The following CHD7 variants were observed in gnomAD, a reference collection of about 807,000 sequenced individuals.
CHD7 encodes the protein chromodomain helicase DNA binding protein 7.
Under a neutral mutation model 307.3 loss-of-function variants are expected in CHD7, and 24 were observed. The observed-to-expected ratio is 0.08, with a 90% confidence interval of 0.06 to 0.11. CHD7 has a LOEUF of 0.11. Ranked by LOEUF, CHD7 falls within the 10% of genes least tolerant of loss-of-function variation. The pLI, the probability that CHD7 is intolerant of heterozygous loss-of-function variation, is 1.00. For synonymous variants in CHD7, 1,363 were observed against 1,349.9 expected (o/e 1.01, Z -0.21); for missense variants, 3,106 against 3,727.1 (o/e 0.83, Z 4.34).
intron 4 of CHD7, among the ~76,000 whole-genome samples, chr8:60,796,617 G>GTTT (rs566003462): frequency 1.7e-5 from 1 of 57,414 alleles, no homozygotes; most frequent in African/African-American, 5.5e-5. Context: ...TAGCTTTAGG[G>GTTT]TTTTTTTTTT....
At chr8:60,800,363 C>A (rs984225834) in intron 4 of CHD7, 25 bp from the exon 5 acceptor site, 4 of 1,607,880 alleles carry the variant, frequency 2.5e-6, no homozygotes, top group Non-Finnish European at 3.4e-6. Flanking sequence ...AATTTCAAGG[C>A]CACTGTCTTG....
At chr8:60,768,430 A>G (rs1318640400) in intron 2 of CHD7, among the ~76,000 whole-genome samples, 1 of 152,232 alleles carries the variant, frequency 6.6e-6, no homozygotes. Context: ...ACTTCTCTAA[A>G]AGGAGCCACT....
Position 60,836,786 on chromosome 8 carries a change from A to G in CHD7, c.3990-31A>G, listed in dbSNP as rs776883819. The stretch of plus-strand genomic sequence containing the variant: ...AGCAAGTATGTTGTCGCTATGCGTC[A>G]GGCCTCCTTGTTCACACTGATGTTT... On this transcript the variant is annotated intron_variant, in intron 16 of 37. Coordinates refer to ENST00000423902, the MANE Select transcript of CHD7 (RefSeq NM_017780.4). 5.1e-6 allele frequency: 8 copies of G among 1,560,514 alleles called. No homozygotes were observed. In the East Asian group the frequency reaches 1.6e-4, roughly 31 times the overall value.
At chr8:60,721,644 T>C (rs1433097481) in intron 1 of CHD7, among the ~76,000 whole-genome samples, 2 of 152,194 alleles carry the variant, frequency 1.3e-5, no homozygotes, top group African/African-American at 2.4e-5. Flanking sequence ...AGATTTAGGA[T>C]TGACATGAGA....
At position 60,742,716 on chromosome 8, in the gene CHD7, A is replaced by C. The variant is rs749533346; in HGVS notation, c.1284A>C (p.Pro428=). 1.9e-6 allele frequency: 3 copies of C among 1,613,418 alleles called. No homozygotes were observed. The highest frequency in any genetic ancestry group is 2.5e-6 in the Non-Finnish European group (3 of 1,179,346). ...AGIPMEVGSY[P]NMPHPQPSHQ... ...TACCAATGGAAGTTGGCAGTTATCCAAATATGCCCCATCCTCAGCCATCTC... is the reference window on the plus strand; with the variant it reads ...TACCAATGGAAGTTGGCAGTTATCCCAATATGCCCCATCCTCAGCCATCTC... The change falls in exon 2 of 38, where the codon CCA becomes CCC. Residue 428 remains proline (P), a synonymous_variant. Coordinates refer to ENST00000423902, the MANE Select transcript of CHD7 (RefSeq NM_017780.4).
At chr8:60,730,582 C>T (rs1475297131) in intron 1 of CHD7, among the ~76,000 whole-genome samples, 3 of 152,124 alleles carry the variant, frequency 2.0e-5, no homozygotes, top group African/African-American at 4.8e-5. Flanking sequence ...AAATGGAGGC[C>T]GGGCGTGGTG....
At chr8:60,844,632 GGT>G (rs1805124087) in intron 21 of CHD7, among the ~76,000 whole-genome samples, 1 of 152,120 alleles carries the variant, frequency 6.6e-6, no homozygotes, top group Non-Finnish European at 1.5e-5. Context: ...TAGCTTTGTG[GGT>G]GTTATTCTTG....
At chr8:60,739,081 G>A (rs977847578) in intron 1 of CHD7, among the ~76,000 whole-genome samples, 2 of 152,136 alleles carry the variant, frequency 1.3e-5, no homozygotes, top group Non-Finnish European at 2.9e-5. Flanking sequence ...TGAGCTCAGT[G>A]GGCTTGCAAG....
chr8:60,737,918 C>T (rs1234436287), intron 1 of CHD7, among the ~76,000 whole-genome samples: 1 of 152,192 alleles, frequency 6.6e-6, no homozygotes, highest in Non-Finnish European at 1.5e-5. Context: ...TCACAGATCT[C>T]TCTCCAGCTC....
rs528722099 is a variant in CHD7 at position 60,856,752 on chromosome 8, G to A, written c.7472G>A (p.Arg2491His). 1.1e-5 allele frequency: 17 copies of A among 1,614,036 alleles called. No homozygotes were observed. The highest frequency in any genetic ancestry group is 8.9e-5 in the East Asian group (4 of 44,886). Reference sequence around the variant, plus strand: ...GAACTGCTCCAAGCAGGCCTTTCGCGCACACCCACAAGGCATCTCCTTAAT... The same window carrying A: ...GAACTGCTCCAAGCAGGCCTTTCGCACACACCCACAAGGCATCTCCTTAAT... Reference protein sequence around the residue: ...QMELLQAGLSRTPTRHLLNGS... With the variant: ...QMELLQAGLSHTPTRHLLNGS... Residue 2491 changes from arginine (R) to histidine (H), a missense_variant, in exon 34 of 38, where the codon CGC becomes CAC. Arg to His is a conservative substitution (Grantham distance 29, BLOSUM62 0). Around this residue, in one of 10 missense-constraint regions of CHD7, gnomAD observed 1,030 missense variants for 1,165.4 expected, o/e 0.88. Transcript: ENST00000423902.
rs201209795 is a variant in CHD7 at position 60,687,152 on chromosome 8, C to T, written c.-175+8070C>T. ...AGCAAATGTGCATATTATTTCAACA[C>T]ACCTAAAAACTATTAAACATCTTTA... On this transcript the variant is annotated intron_variant, in intron 1 of 37. Coordinates refer to ENST00000423902, the MANE Select transcript of CHD7 (RefSeq NM_017780.4). 3.3e-5 allele frequency among the ~76,000 whole-genome samples: 5 copies of T among 152,200 alleles called. No homozygotes were observed. In the East Asian group the frequency reaches 7.7e-4, roughly 23 times the overall value.
At chr8:60,696,617 GTT>G (rs554059820) in intron 1 of CHD7, among the ~76,000 whole-genome samples, 1 of 143,900 alleles carries the variant, frequency 6.9e-6, no homozygotes, top group African/African-American at 2.5e-5. Flanking sequence ...ATTGCAGGTA[GTT>G]TTTTTTTTTT....
intron 13 of CHD7, among the ~76,000 whole-genome samples, chr8:60,827,611 G>A (rs1021352942): frequency 2.0e-5 from 3 of 152,082 alleles, no homozygotes; most frequent in East Asian, 1.9e-4. Flanking sequence ...GATGATGGTC[G>A]TCCATGAAAC....
intron 1 of CHD7, among the ~76,000 whole-genome samples, chr8:60,732,828 T>C (rs1808518912): frequency 6.6e-6 from 1 of 152,176 alleles, no homozygotes; most frequent in Non-Finnish European, 1.5e-5. Flanking sequence ...TGAAATTTAA[T>C]TTTTTTCCTA....
chr8:60,739,702 A>G (rs1808894754), intron 1 of CHD7, among the ~76,000 whole-genome samples: 1 of 152,198 alleles, frequency 6.6e-6, no homozygotes, highest in Non-Finnish European at 1.5e-5. Context: ...TGTTGTTTAC[A>G]TTTTCTGTAA....
At chr8:60,786,329 G>C (rs1433876445) in intron 3 of CHD7, among the ~76,000 whole-genome samples, 1 of 152,196 alleles carries the variant, frequency 6.6e-6, no homozygotes, top group Non-Finnish European at 1.5e-5. Flanking sequence ...TCTTTGACGT[G>C]TGTGGTTCAG....
At position 60,823,921 on chromosome 8, in the gene CHD7, C is replaced by T. The variant is rs1159367533; in HGVS notation, c.3283C>T (p.Arg1095Trp). ...GATTTTGACTGATTGTCCTGAGCTG[C>T]GGAATATTCCATGGCGCTGTGTAGT... Reference protein sequence around the residue: ...EMILTDCPELRNIPWRCVVID... With the variant: ...EMILTDCPELWNIPWRCVVID... Residue 1095 changes from arginine (R) to tryptophan (W), a missense_variant, in exon 13 of 38, where the codon CGG becomes TGG. Arg to Trp is a moderately radical substitution (Grantham distance 101). Transcript: ENST00000423902. 1.9e-6 allele frequency: 3 copies of T among 1,613,714 alleles called. No individual in the cohort carries two copies. The highest frequency in any genetic ancestry group is 1.7e-6 in the Non-Finnish European group (2 of 1,179,802).
chr8:60,830,694 A>C (rs1408553758), intron 15 of CHD7, 117 bp downstream of exon 15: 1 of 1,178,456 alleles, frequency 8.5e-7, no homozygotes, highest in Non-Finnish European at 1.2e-6. Context: ...CTGTCCACTC[A>C]GCATGGGTTT....
chr8:60,782,941 C>A (rs1356414840), intron 3 of CHD7, among the ~76,000 whole-genome samples: 2 of 151,976 alleles, frequency 1.3e-5, no homozygotes, highest in Non-Finnish European at 2.9e-5. Context: ...AGAAAGAAAT[C>A]AAAGCAAAAA....
Sources: allele counts gnomAD v4.1 joint callset (sites outside exome capture counted in the v4.1 genomes callset), GRCh38; gene constraint gnomAD v4.1.1; regional missense constraint gnomAD v4.1.1; transcripts MANE v1.5; gene names NCBI Gene and HGNC (gene_info 2026-07-23, HGNC 2026-07-21).